Variants in EMB observed in about 807,000 individuals in gnomAD.
The protein encoded by EMB is embigin.
Under a neutral mutation model 41.4 loss-of-function variants are expected in EMB, and 31 were observed. That is an observed-to-expected ratio of 0.75 (90% CI 0.56 to 1.01). The LOEUF is 1.01. EMB is among the 50% of genes least tolerant of loss of function. The pLI, the probability that EMB is intolerant of heterozygous loss-of-function variation, is 0.00. For missense variants in EMB, 379 were observed against 388.3 expected (o/e 0.98, Z 0.20); for synonymous variants, 137 against 140.4 (o/e 0.98, Z 0.17).
intron 2 of EMB, among the ~76,000 whole-genome samples, chr5:50,415,479 T>G (rs1745414485): frequency 6.6e-6 from 1 of 152,190 alleles, no homozygotes; most frequent in Non-Finnish European, 1.5e-5. Flanking sequence ...ATATAGCAAT[T>G]AATAAATGCC....
chr5:50,438,064 G>A (rs910672175), intron 1 of EMB, among the ~76,000 whole-genome samples: 13 of 152,112 alleles, frequency 8.5e-5, no homozygotes, highest in Non-Finnish European at 1.5e-4. Context: ...AGATGCATAG[G>A]CTATGCTGTC....
chr5:50,413,684 T>G (rs1377507538), intron 2 of EMB, among the ~76,000 whole-genome samples: 1 of 151,818 alleles, frequency 6.6e-6, no homozygotes, highest in Non-Finnish European at 1.5e-5. Context: ...CAAGCGATTC[T>G]CCTGCCTCAG....
At chr5:50,399,355 A>G (rs952123583) in intron 8 of EMB, 65 bp from the exon 9 acceptor site, 17 of 1,594,164 alleles carry the variant, frequency 1.1e-5, no homozygotes, top group Non-Finnish European at 1.4e-5. Flanking sequence ...GTAACTTACT[A>G]TCACTTTAGC....
chr5:50,439,597 G>A (rs1163711584), intron 1 of EMB, among the ~76,000 whole-genome samples: 2 of 151,742 alleles, frequency 1.3e-5, no homozygotes, highest in African/African-American at 4.9e-5. Flanking sequence ...AAAGTGCTGG[G>A]ATTACAGGCC....
chr5:50,441,054 T>C lies in EMB; in HGVS notation c.98A>G (p.Asp33Gly). 2 of 1,509,432 alleles carry C rather than the reference T, an allele frequency of 1.3e-6. No homozygotes were observed. Among genetic ancestry groups the C allele is most frequent in the South Asian group, 1.2e-5 (1 of 80,092 alleles). The allele number at this position is 1,509,432 out of a possible 1,614,324, so 93.5% of individuals were successfully genotyped here. Residue 33 changes from aspartate (D) to glycine (G), a missense_variant, in exon 1 of 9, where the codon GAC becomes GGC. By Grantham distance (94) the Asp-to-Gly change is moderately conservative (BLOSUM62 -1). Transcript: ENST00000303221. ...ACCCATCACACCTGGGGCACTGCCG[T>C]CCGCCGAGCTTGGGCGCGCGGCAGC... is the stretch of plus-strand genomic sequence containing the variant. ...LLAAARPSSA[D>G]GSAPDSPFTS...
At chr5:50,402,238 C>T in intron 7 of EMB, 48 bp downstream of exon 7, 1 of 1,563,774 alleles carries the variant, frequency 6.4e-7, no homozygotes, top group South Asian at 1.1e-5. Flanking sequence ...TTTATGTTTC[C>T]CTGTATTTTA....
chr5:50,405,779 A>G lies in EMB; in HGVS notation c.546T>C (p.Cys182=), dbSNP rs774378483. ...TCCAATTTAAAGGAAAACAATTTTG[A>G]CATTTACATGTCAAGACAGTAGAAT... The part of the protein sequence containing the change: ...VGDSTVLTCK[C]QNCFPLNWTW... The change falls in exon 5 of 9, where the codon TGT becomes TGC. Residue 182 remains cysteine (C), a synonymous_variant. Coordinates refer to ENST00000303221, the MANE Select transcript of EMB (RefSeq NM_198449.3). The G allele has an allele frequency of 6.2e-7, 1 of 1,607,510 alleles. No homozygotes were observed. Among genetic ancestry groups the G allele is most frequent in the Admixed American group, 1.7e-5 (1 of 59,164 alleles).
At chr5:50,409,195 G>A (rs1240854088) in intron 4 of EMB, among the ~76,000 whole-genome samples, 2 of 152,116 alleles carry the variant, frequency 1.3e-5, no homozygotes, top group Non-Finnish European at 2.9e-5. Context: ...GGCCTTCCGT[G>A]TGAATACTTG....
At chr5:50,418,362 G>A (rs950753118) in intron 2 of EMB, among the ~76,000 whole-genome samples, 1 of 152,208 alleles carries the variant, frequency 6.6e-6, no homozygotes, top group Non-Finnish European at 1.5e-5. Flanking sequence ...GTAAGGTTTG[G>A]TGATAGGCAA....
intron 2 of EMB, among the ~76,000 whole-genome samples, chr5:50,423,203 A>T (rs527385015): frequency 6.6e-6 from 1 of 152,290 alleles, no homozygotes; most frequent in South Asian, 2.1e-4. Context: ...GACTAATAGC[A>T]CTAAAACTAA....
intron 5 of EMB, among the ~76,000 whole-genome samples, chr5:50,403,901 A>G (rs1745207999): frequency 6.6e-6 from 1 of 151,920 alleles, no homozygotes; most frequent in Non-Finnish European, 1.5e-5. Context: ...TCGCTCACTC[A>G]GACAATGTGA....
intron 8 of EMB, 70 bp from the exon 9 acceptor site, chr5:50,399,360 T>A (rs1231810790): frequency 2.1e-5 from 34 of 1,582,524 alleles, no homozygotes; most frequent in Non-Finnish European, 2.3e-5. Context: ...TTACTATCAC[T>A]TTAGCAAAGC....
intron 4 of EMB, among the ~76,000 whole-genome samples, chr5:50,408,824 T>C (rs1403140139): frequency 6.6e-6 from 1 of 152,090 alleles, no homozygotes; most frequent in East Asian, 1.9e-4. Context: ...ATATCCATAA[T>C]GTACAGATGT....
At chr5:50,402,561 T>G (rs1235829510) in intron 6 of EMB, among the ~76,000 whole-genome samples, 1 of 151,904 alleles carries the variant, frequency 6.6e-6, no homozygotes. Flanking sequence ...ACTGCTTAGT[T>G]TGTCATTATT....
chr5:50,423,140 G>T (rs1745553107), intron 2 of EMB, among the ~76,000 whole-genome samples: 2 of 147,982 alleles, frequency 1.4e-5, no homozygotes, highest in Non-Finnish European at 3.0e-5. Context: ...AATATGACTA[G>T]ATCTCCAAAA....
Position 50,397,544 on chromosome 5 carries a change from T to C in EMB, c.*1729A>G, listed in dbSNP as rs1397599484. 6.6e-6 allele frequency: 1 copy of C among 152,150 alleles called. No individual in the cohort carries two copies. The highest frequency in any genetic ancestry group is 2.4e-5 in the African/African-American group (1 of 41,446). 9.4% of individuals were successfully genotyped at this position (152,150 alleles called of 1,614,324 possible). On this transcript the variant is annotated 3_prime_UTR_variant, in exon 9 of 9. Coordinates refer to ENST00000303221, the MANE Select transcript of EMB (RefSeq NM_198449.3). ...GTTACACATTTGTTTGTGTTCTATA[T>C]TCCAAGTCACAAATACACTGCTTTG...
In EMB at chr5:50,396,453, G is replaced by A. The variant is rs1745067077; in HGVS notation, c.*2820C>T. 1.3e-5 allele frequency: 2 copies of A among 152,062 alleles called. No individual in the cohort carries two copies. The highest frequency in any genetic ancestry group is 2.4e-5 in the African/African-American group (1 of 41,426). 9.4% of individuals were successfully genotyped at this position (152,062 alleles called of 1,614,324 possible). A position where few individuals can be genotyped will look rare whatever the true frequency, so the allele number is the denominator to read the frequency against. ...CAGAGTAATAAACACAAATAAATGT[G>A]GAGTTATTTAAGCATGTAAGATGGT... On this transcript the variant is annotated 3_prime_UTR_variant, in exon 9 of 9. Coordinates refer to ENST00000303221, the MANE Select transcript of EMB (RefSeq NM_198449.3).
chr5:50,399,296 T>C lies in EMB; in HGVS notation c.967-6A>G. 6.2e-7 allele frequency: 1 copy of C among 1,607,942 alleles called. No homozygotes were observed. The highest frequency in any genetic ancestry group is 1.7e-5 in the Admixed American group (1 of 59,502). The stretch of plus-strand genomic sequence containing the variant: ...ATTCACTGGCCCAGAGACTCCTGAG[T>C]TAAATAAAGCATAATCAAATATAAT... On this transcript the variant is annotated splice_polypyrimidine_tract_variant and splice_region_variant and intron_variant, in intron 8 of 8. Coordinates refer to ENST00000303221, the MANE Select transcript of EMB (RefSeq NM_198449.3).
chr5:50,418,473 C>A (rs1342602576), intron 2 of EMB, among the ~76,000 whole-genome samples: 1 of 152,182 alleles, frequency 6.6e-6, no homozygotes, highest in Non-Finnish European at 1.5e-5. Flanking sequence ...CTACTCATGG[C>A]TGTAAAGTTA....
Sources: gnomAD v4.1 joint callset for allele counts (sites outside exome capture counted in the v4.1 genomes callset) on GRCh38, gnomAD v4.1.1 for gene constraint, MANE v1.5 for transcripts, NCBI Gene and HGNC (gene_info 2026-07-23, HGNC 2026-07-21) for gene names.